RSRC1: variants seen among roughly 807,000 people sequenced by gnomAD.
RSRC1 encodes arginine and serine rich coiled-coil 1.
In RSRC1, 39 loss-of-function variants were observed where a neutral mutation model predicts 49.1. That is an observed-to-expected ratio of 0.79 (90% CI 0.61 to 1.04). The LOEUF (loss-of-function observed/expected upper bound fraction) is 1.04, where lower values mean the gene tolerates loss of function less well. Among genes scored for constraint, RSRC1 ranks in the 50% least tolerant of loss-of-function variants. The pLI is 0.00. For missense variants in RSRC1, 388 were observed against 402.4 expected, an observed-to-expected ratio of 0.96 and a Z score of 0.31; for synonymous variants, 143 against 130.8, an observed-to-expected ratio of 1.09 and a Z score of -0.63.
intron 3 of RSRC1, among the ~76,000 whole-genome samples, chr3:158,161,799 G>A (rs979131760): frequency 1.3e-5 from 2 of 151,924 alleles, no homozygotes; most frequent in Non-Finnish European, 2.9e-5. Flanking sequence ...AAAATGTGTG[G>A]CTACAAACAG....
intron 7 of RSRC1, among the ~76,000 whole-genome samples, chr3:158,474,802 A>G (rs1738294869): frequency 6.6e-6 from 1 of 152,084 alleles, no homozygotes; most frequent in Non-Finnish European, 1.5e-5. Flanking sequence ...TAAATACTGT[A>G]CCTACAGAGG....
chr3:158,385,405 T>C (rs1732918164), intron 6 of RSRC1, among the ~76,000 whole-genome samples: 1 of 152,154 alleles, frequency 6.6e-6, no homozygotes. Context: ...AAAAGTGCAC[T>C]GGAAACACAG....
intron 7 of RSRC1, among the ~76,000 whole-genome samples, chr3:158,488,816 A>G (rs1461157231): frequency 6.6e-6 from 1 of 152,208 alleles, no homozygotes; most frequent in Non-Finnish European, 1.5e-5. Context: ...GCCTTTATCT[A>G]ATTGCTATCA....
chr3:158,470,351 C>CAT (rs1406081487), intron 7 of RSRC1, among the ~76,000 whole-genome samples: 4 of 116,776 alleles, frequency 3.4e-5, no homozygotes, highest in African/African-American at 1.5e-4. Flanking sequence ...CACACACACA[C>CAT]ACACACACAC....
chr3:158,516,870 C>CT (rs1266545489), intron 7 of RSRC1, among the ~76,000 whole-genome samples: 1 of 152,230 alleles, frequency 6.6e-6, no homozygotes, highest in Non-Finnish European at 1.5e-5. Flanking sequence ...CAGGTGCCGT[C>CT]TGTCACCCCT....
At chr3:158,318,000 TA>T (rs1728556093) in intron 5 of RSRC1, among the ~76,000 whole-genome samples, 1 of 151,330 alleles carries the variant, frequency 6.6e-6, no homozygotes, top group Admixed American at 6.6e-5. Flanking sequence ...TAAACTTTCT[TA>T]AAACATTATG....
intron 7 of RSRC1, among the ~76,000 whole-genome samples, chr3:158,482,049 A>C (rs181068900): frequency 6.4e-4 from 98 of 152,162 alleles, no homozygotes; most frequent in Non-Finnish European, 1.8e-4. Flanking sequence ...TTAATCTAGA[A>C]AGGCAGTTTA....
At chr3:158,276,459 G>A (rs909090632) in intron 4 of RSRC1, 23 of 668,726 alleles carry the variant, frequency 3.4e-5, no homozygotes, top group Admixed American at 1.4e-4. Context: ...ACAGAAAGGC[G>A]CCAAGGTTAG....
intron 6 of RSRC1, among the ~76,000 whole-genome samples, chr3:158,440,286 T>C (rs1736312332): frequency 6.6e-6 from 1 of 152,008 alleles, no homozygotes; most frequent in Admixed American, 6.6e-5. Flanking sequence ...TAGGTCATGC[T>C]AAGGAAAATG....
At chr3:158,237,157 A>G (rs943773240) in intron 4 of RSRC1, among the ~76,000 whole-genome samples, 12 of 152,190 alleles carry the variant, frequency 7.9e-5, no homozygotes, top group African/African-American at 2.4e-4. Flanking sequence ...GGATATTTCA[A>G]TTATTTTTAC....
At chr3:158,211,003 T>C (rs1721642305) in intron 4 of RSRC1, among the ~76,000 whole-genome samples, 1 of 152,032 alleles carries the variant, frequency 6.6e-6, no homozygotes, top group Non-Finnish European at 1.5e-5. Flanking sequence ...ACTTTAAATT[T>C]CCTTTTTCAT....
At position 158,329,894 on chromosome 3, in the gene RSRC1, T is replaced by G. The variant is rs1477560908; in HGVS notation, c.532-24963T>G. On this transcript the variant is annotated intron_variant, in intron 5 of 9. Coordinates refer to ENST00000611884, the MANE Select transcript of RSRC1 (RefSeq NM_001271838.2). ...AGGTGGGCTCCACCCAGTTCGAGCTTCTGGGCTGCTTTGTTCACCTACTCA... is the reference window on the plus strand; with the variant it reads ...AGGTGGGCTCCACCCAGTTCGAGCTGCTGGGCTGCTTTGTTCACCTACTCA... 2.0e-5 allele frequency among the ~76,000 whole-genome samples: 3 copies of G among 152,188 alleles called. No homozygotes were observed. In the East Asian group the frequency reaches 5.8e-4, roughly 29 times the overall value.
chr3:158,303,704 T>C (rs1196597880), intron 5 of RSRC1: 3 of 152,230 alleles, frequency 2.0e-5, no homozygotes, highest in Non-Finnish European at 2.9e-5. Context: ...ATTGTATTCA[T>C]TGAGTATTAT....
chr3:158,425,455 T>C (rs1735365987), intron 6 of RSRC1, among the ~76,000 whole-genome samples: 1 of 152,134 alleles, frequency 6.6e-6, no homozygotes, highest in African/African-American at 2.4e-5. Context: ...TAGTTTGTTA[T>C]AATTTCTGTT....
chr3:158,380,643 T>C (rs1732651438), intron 6 of RSRC1, among the ~76,000 whole-genome samples: 1 of 152,194 alleles, frequency 6.6e-6, no homozygotes, highest in Non-Finnish European at 1.5e-5. Context: ...ATATATTTTA[T>C]ATGAGTTTGG....
chr3:158,535,243 T>C (rs552825471), intron 7 of RSRC1, among the ~76,000 whole-genome samples: 1 of 151,522 alleles, frequency 6.6e-6, no homozygotes, highest in Non-Finnish European at 1.5e-5. Context: ...ACTGTGTTAA[T>C]ACATCTTGTT....
chr3:158,415,839 A>C (rs1189813666), intron 6 of RSRC1, among the ~76,000 whole-genome samples: 4 of 152,038 alleles, frequency 2.6e-5, no homozygotes. Flanking sequence ...CATTAATAGC[A>C]ATATTTCCCT....
intron 6 of RSRC1, among the ~76,000 whole-genome samples, chr3:158,440,254 A>G (rs759203312): frequency 2.3e-4 from 35 of 151,972 alleles, no homozygotes; most frequent in Non-Finnish European, 4.3e-4. Flanking sequence ...AATGAGTGAG[A>G]ACCACTTGGT....
intron 5 of RSRC1, among the ~76,000 whole-genome samples, chr3:158,318,978 T>C (rs1347512027): frequency 2.0e-5 from 3 of 152,152 alleles, no homozygotes; most frequent in African/African-American, 7.2e-5. Context: ...GTGACAGATA[T>C]GTAGTCTAAC....
Sources: allele counts gnomAD v4.1 joint callset (sites outside exome capture counted in the v4.1 genomes callset), GRCh38; gene constraint gnomAD v4.1.1; transcripts MANE v1.5; gene names NCBI Gene and HGNC (gene_info 2026-07-23, HGNC 2026-07-21).